The following CAST variants were observed in gnomAD, a reference collection of about 807,000 sequenced individuals.
CAST encodes calpastatin, also known as MIR583 host.
In CAST, 76 loss-of-function variants were observed where a neutral mutation model predicts 119.6. The ratio of observed to expected loss-of-function variants is 0.64; its 90% confidence interval spans 0.53 to 0.77. CAST has a LOEUF of 0.77. Among genes scored for constraint, CAST ranks in the 30% least tolerant of loss-of-function variants. The probability of loss-of-function intolerance (pLI) is 0.00; values close to 1 mark genes in which losing one functional copy is unlikely to be tolerated. For synonymous variants in CAST, 319 were observed against 331.6 expected (o/e 0.96, Z 0.41); for missense variants, 953 against 946.5 (o/e 1.01, Z -0.09).
chr5:96,135,932 ACACCTGTAGTCC>A, the CAST span, among the ~76,000 whole-genome samples: 3 of 151,990 alleles, frequency 2.0e-5, no homozygotes, highest in Non-Finnish European at 4.4e-5. Context: ...GTAGTGGCAC[ACACCTGTAGTCC>A]CAGCTACTCG....
At chr5:95,972,738 CT>C in the CAST span, among the ~76,000 whole-genome samples, 1 of 151,934 alleles carries the variant, frequency 6.6e-6, no homozygotes. Context: ...ATTTTTTTTC[CT>C]TGTTCTGATA....
chr5:96,694,002 A>G (rs1209866681), intron 2 of CAST, among the ~76,000 whole-genome samples: 1 of 152,214 alleles, frequency 6.6e-6, no homozygotes, highest in Non-Finnish European at 1.5e-5. Context: ...GTGGACACAT[A>G]GAGATTGTGC....
At chr5:96,189,831 A>G in the CAST span, among the ~76,000 whole-genome samples, 1 of 152,122 alleles carries the variant, frequency 6.6e-6, no homozygotes, top group Non-Finnish European at 1.5e-5. Context: ...TTTTAACATT[A>G]TTTAAAAACT....
the CAST span, among the ~76,000 whole-genome samples, chr5:96,469,908 T>G: frequency 6.8e-6 from 1 of 147,898 alleles, no homozygotes. Flanking sequence ...ATATATATAA[T>G]GTTTGTATAA....
the CAST span, among the ~76,000 whole-genome samples, chr5:96,249,685 C>T: frequency 6.6e-6 from 1 of 152,172 alleles, no homozygotes. Context: ...ACACAATAAA[C>T]ACAGCAAAGC....
Position 96,767,372 on chromosome 5 carries a change from C to T in CAST, c.2131-66C>T, listed in dbSNP as rs192311983. 3.1e-4 allele frequency: 409 copies of T among 1,308,412 alleles called. 2 individuals carry two copies. In the African/African-American group the frequency reaches 5.5e-3, roughly 17 times the overall value. The allele number at this position is 1,308,412 out of a possible 1,614,324, so 81.1% of individuals were successfully genotyped here. ...AAGTCATGGGACAATAGATTCTCTACTGCCTAAACCTAAGTAAACCTTTAC... is the reference window on the plus strand; with the variant it reads ...AAGTCATGGGACAATAGATTCTCTATTGCCTAAACCTAAGTAAACCTTTAC... On this transcript the variant is annotated intron_variant, in intron 27 of 31. Coordinates refer to ENST00000675179, the MANE Select transcript of CAST (RefSeq NM_001750.7).
rs140966601 is a variant in CAST at position 96,581,231 on chromosome 5, G to A, written c.60+51351G>A. 3.9e-4 allele frequency among the ~76,000 whole-genome samples: 59 copies of A among 152,232 alleles called. 1 individual carries two copies. The East Asian group carries it at 9.8e-3, about 25-fold the overall frequency. On this transcript the variant is annotated intron_variant, in intron 1 of 11. Transcript: ENST00000505143. ...CATCCAAAGAAAAAGAGGCCAACAA[G>A]TTAACCAAAAAGAGAAAAAAAATCA...
intron 1 of CAST, among the ~76,000 whole-genome samples, chr5:96,575,677 CTG>C (rs1339492861): frequency 1.3e-5 from 2 of 151,450 alleles, no homozygotes; most frequent in Non-Finnish European, 2.9e-5. Flanking sequence ...GAGTCTCACT[CTG>C]TCACCCAGGC....
chr5:96,695,824 T>G lies in CAST; in HGVS notation c.139-12T>G, dbSNP rs758048733. 6.3e-7 allele frequency: 1 copy of G among 1,595,796 alleles called. No homozygotes were observed. ...TTTTCCCCCATTGAAACTAATATTT[T>G]CTATTTTCAAGAAAAAAGCAGCAAG... is the stretch of plus-strand genomic sequence containing the variant. On this transcript the variant is annotated splice_polypyrimidine_tract_variant and intron_variant, in intron 2 of 31. Coordinates refer to ENST00000675179, the MANE Select transcript of CAST (RefSeq NM_001750.7).
chr5:96,706,668 C>G (rs1755040099), intron 3 of CAST, among the ~76,000 whole-genome samples: 1 of 152,208 alleles, frequency 6.6e-6, no homozygotes, highest in African/African-American at 2.4e-5. Context: ...TACATCCAGC[C>G]TCCCAGTCAT....
At chr5:96,081,763 T>C in the CAST span, among the ~76,000 whole-genome samples, 1 of 152,184 alleles carries the variant, frequency 6.6e-6, no homozygotes, top group African/African-American at 2.4e-5. Flanking sequence ...CCTGGAGAAA[T>C]GGACCTCCAT....
At chr5:96,225,955 C>T in the CAST span, among the ~76,000 whole-genome samples, 7 of 152,170 alleles carry the variant, frequency 4.6e-5, no homozygotes, top group Admixed American at 4.6e-4. Flanking sequence ...TCACCAGTTA[C>T]TGCACTATGT....
In CAST at chr5:96,722,683, T is replaced by A. The variant is rs746093840; in HGVS notation, c.255T>A (p.Asn85Lys). The A allele has an allele frequency of 1.9e-6, 3 of 1,612,628 alleles. No individual in the cohort carries two copies. The highest frequency in any genetic ancestry group is 2.5e-6 in the Non-Finnish European group (3 of 1,178,618). Residue 85 changes from asparagine (N) to lysine (K), a missense_variant, in exon 4 of 32, where the codon AAT (asparagine) becomes AAA (lysine). By Grantham distance (94) the Asn-to-Lys change is moderately conservative. Transcript: ENST00000675179. Reference protein sequence around the residue: ...SGATSKSSSMNPTETKAIPVS... With the variant: ...SGATSKSSSMKPTETKAIPVS... The stretch of plus-strand genomic sequence containing the variant: ...CAACCAGCAAGTCTTCCAGTATGAA[T>A]CCCACAGAAACCAAGGTATGAAGAA...
the CAST span, among the ~76,000 whole-genome samples, chr5:96,466,996 A>G: frequency 6.6e-6 from 1 of 152,184 alleles, no homozygotes; most frequent in Non-Finnish European, 1.5e-5. Flanking sequence ...TTGCAAAAGA[A>G]TGTGTTGTCA....
the CAST span, among the ~76,000 whole-genome samples, chr5:96,046,223 A>G: frequency 6.6e-6 from 1 of 152,132 alleles, no homozygotes; most frequent in East Asian, 1.9e-4. Context: ...GTATTTTATA[A>G]GGATATACAC....
chr5:96,717,452 T>G (rs894331805), intron 3 of CAST, among the ~76,000 whole-genome samples: 2 of 152,232 alleles, frequency 1.3e-5, no homozygotes, highest in African/African-American at 4.8e-5. Context: ...TAACAATAAC[T>G]GCCATTTGCC....
At chr5:96,722,584 T>G in intron 3 of CAST, 55 bp from the exon 4 acceptor site, 8 of 1,302,674 alleles carry the variant, frequency 6.1e-6, no homozygotes, top group Non-Finnish European at 8.9e-6. Context: ...TGAAGGACCA[T>G]GTAGATTGTA....
chr5:96,196,329 G>A, the CAST span, among the ~76,000 whole-genome samples: 12 of 151,534 alleles, frequency 7.9e-5, no homozygotes, highest in African/African-American at 2.4e-4. Flanking sequence ...TTCTTTTTGC[G>A]TCTAGGTTCT....
chr5:96,173,997 C>A, the CAST span, among the ~76,000 whole-genome samples: 1 of 152,130 alleles, frequency 6.6e-6, no homozygotes, highest in Non-Finnish European at 1.5e-5. Context: ...CCGCCTTAGA[C>A]TTCCGAAGTG....
Sources: allele counts gnomAD v4.1 joint callset (sites outside exome capture counted in the v4.1 genomes callset), GRCh38; gene constraint gnomAD v4.1.1; transcripts MANE v1.5; gene names NCBI Gene and HGNC (gene_info 2026-07-23, HGNC 2026-07-21).